Variants in ZNF346 observed in about 807,000 individuals in gnomAD.
ZNF346 encodes the protein double-stranded RNA-binding zinc finger protein JAZ.
ZNF346 carries 23 observed loss-of-function variants against 33.7 expected under a neutral mutation model. The observed-to-expected ratio is 0.68, with a 90% CI of 0.49 to 0.97. ZNF346 has a LOEUF of 0.97. Among genes scored for constraint, ZNF346 ranks in the 50% least tolerant of loss-of-function variants. The pLI, the probability that ZNF346 is intolerant of heterozygous loss-of-function variation, is 0.00. For synonymous variants in ZNF346, 134 were observed against 142.4 expected (o/e 0.94, Z 0.42); for missense variants, 340 against 371.1 (o/e 0.92, Z 0.69).
chr5:177,032,240 G>A (rs928510794), intron 1 of ZNF346, among the ~76,000 whole-genome samples: 1 of 151,838 alleles, frequency 6.6e-6, no homozygotes, highest in African/African-American at 2.4e-5. Context: ...CTGACCTCAG[G>A]TAATCCACCC....
Position 177,022,764 on chromosome 5 carries a change from T to A in ZNF346, c.26T>A (p.Val9Glu). Residue 9 changes from valine to glutamate, a missense_variant, in exon 1 of 7, where the codon GTG becomes GAG. By Grantham distance (121) the Val-to-Glu change is moderately radical. Coordinates refer to ENST00000358149, the MANE Select transcript of ZNF346 (RefSeq NM_012279.4). ...ATGGAGTATCCCGCGCCGGCCACGGTGCAGGCCGCGGACGGCGGAGCGGCC... is the reference window on the plus strand; with the variant it reads ...ATGGAGTATCCCGCGCCGGCCACGGAGCAGGCCGCGGACGGCGGAGCGGCC... MEYPAPATVQAADGGAAGP... is the reference protein window; with the variant it reads MEYPAPATEQAADGGAAGP... 1 of 1,558,716 alleles carries A rather than the reference T, an allele frequency of 6.4e-7. No homozygotes were observed. Among genetic ancestry groups the A allele is most frequent in the East Asian group, 2.4e-5 (1 of 41,000 alleles).
chr5:177,038,885 T>C (rs1778957526), intron 1 of ZNF346, among the ~76,000 whole-genome samples: 1 of 148,964 alleles, frequency 6.7e-6, no homozygotes, highest in African/African-American at 2.5e-5. Context: ...CTTGTGTGTG[T>C]GTGTGTGTGT....
intron 5 of ZNF346, among the ~76,000 whole-genome samples, chr5:177,059,717 A>G (rs554545956): frequency 1.6e-4 from 25 of 152,310 alleles, no homozygotes; most frequent in Non-Finnish European, 3.2e-4. Flanking sequence ...GCTTTTATAT[A>G]CAGGACAAGT....
intron 1 of ZNF346, among the ~76,000 whole-genome samples, chr5:177,027,008 C>T (rs147948833): frequency 1.3e-5 from 2 of 152,210 alleles, no homozygotes; most frequent in East Asian, 1.9e-4. Context: ...TTTAATATCT[C>T]TCTGGGCCCT....
At position 177,022,713 on chromosome 5, in the gene ZNF346, T is replaced by A. The variant is rs1427048180; in HGVS notation, c.-26T>A. The stretch of plus-strand genomic sequence containing the variant: ...CGATACCTAGGCGCCTGAGAGGCTC[T>A]CTACCGGTGAGGGTTTGCGGGGAAG... On this transcript the variant is annotated 5_prime_UTR_variant, in exon 1 of 7. Coordinates refer to ENST00000358149, the MANE Select transcript of ZNF346 (RefSeq NM_012279.4). 6.5e-7 allele frequency: 1 copy of A among 1,529,342 alleles called. No homozygotes were observed. Among genetic ancestry groups the A allele is most frequent in the Admixed American group, 2.1e-5 (1 of 47,596 alleles). The allele number at this position is 1,529,342 out of a possible 1,614,324, so 94.7% of individuals were successfully genotyped here.
Position 177,050,819 on chromosome 5 carries a change from G to A in ZNF346, c.586G>A (p.Asp196Asn), listed in dbSNP as rs201400452. Residue 196 changes from aspartate to asparagine, a missense_variant, in exon 5 of 7, where the codon GAC (aspartate) becomes AAC (asparagine). Coordinates refer to ENST00000358149, the MANE Select transcript of ZNF346 (RefSeq NM_012279.4). ...FCSLCHATFNDPVMAQQHYVG... is the reference protein window; with the variant it reads ...FCSLCHATFNNPVMAQQHYVG... ...CAGCCTCTGCCATGCAACTTTCAAC[G>A]ACCCTGTCATGGCTCAACAACATTA... is the stretch of plus-strand genomic sequence containing the variant. 3.7e-6 allele frequency: 6 copies of A among 1,613,978 alleles called. No individual in the cohort carries two copies. Among genetic ancestry groups the A allele is most frequent in the South Asian group, 1.1e-5 (1 of 91,066 alleles).
chr5:177,048,769 G>GTTTTTTTCTT (rs1398912953), intron 4 of ZNF346, among the ~76,000 whole-genome samples: 1 of 146,948 alleles, frequency 6.8e-6, no homozygotes, highest in Non-Finnish European at 1.5e-5. Context: ...TGTGTAACTT[G>GTTTTTTTCTT]TTTTTTTCTT....
At position 177,022,865 on chromosome 5, in the gene ZNF346, C is replaced by A; in HGVS notation, c.127C>A (p.Arg43Ser). 6.6e-7 allele frequency: 1 copy of A among 1,524,914 alleles called. No homozygotes were observed. Among genetic ancestry groups the A allele is most frequent in the Admixed American group, 2.1e-5 (1 of 47,632 alleles). The allele number at this position is 1,524,914 out of a possible 1,614,324, so 94.5% of individuals were successfully genotyped here. A position where few individuals can be genotyped will look rare whatever the true frequency, so the allele number is the denominator to read the frequency against. ...GCGCTTTGACCGCGAGAGGGCGCGC[C>A]GCCTGTGGGAAGCCGTGTCCGGTGC... ...GVRFDRERAR[R>S]LWEAVSGAQP... is the part of the protein sequence containing the mutation. Residue 43 changes from arginine to serine, a missense_variant, in exon 1 of 7, where the codon CGC becomes AGC. Coordinates refer to ENST00000358149, the MANE Select transcript of ZNF346 (RefSeq NM_012279.4).
At chr5:177,039,984 TC>T (rs1779123066) in intron 1 of ZNF346, among the ~76,000 whole-genome samples, 1 of 151,948 alleles carries the variant, frequency 6.6e-6, no homozygotes, top group Non-Finnish European at 1.5e-5. Context: ...ATCGAGACCA[TC>T]CTGGCTAACA....
intron 6 of ZNF346, among the ~76,000 whole-genome samples, chr5:177,062,492 G>T (rs1428127227): frequency 2.0e-5 from 3 of 152,254 alleles, no homozygotes; most frequent in Non-Finnish European, 4.4e-5. Context: ...TCTGGCAGGA[G>T]TTCCCTCTAT....
At chr5:177,064,164 A>T (rs1782901017) in intron 6 of ZNF346, among the ~76,000 whole-genome samples, 1 of 152,192 alleles carries the variant, frequency 6.6e-6, no homozygotes, top group Non-Finnish European at 1.5e-5. Context: ...AAATGGAATG[A>T]GTTTTTATAG....
At chr5:177,044,793 G>C (rs944190824) in intron 4 of ZNF346, among the ~76,000 whole-genome samples, 1 of 152,060 alleles carries the variant, frequency 6.6e-6, no homozygotes, top group East Asian at 1.9e-4. Flanking sequence ...TATAACTCAG[G>C]AGTGCCAAAG....
intron 8 of ZNF346, among the ~76,000 whole-genome samples, chr5:177,074,016 G>C (rs1783632150): frequency 6.6e-6 from 1 of 152,160 alleles, no homozygotes; most frequent in African/African-American, 2.4e-5. Context: ...CAGGTAGAGA[G>C]AGAAGCCAAC....
At chr5:177,035,522 G>T (rs1052408901) in intron 1 of ZNF346, among the ~76,000 whole-genome samples, 5 of 150,770 alleles carry the variant, frequency 3.3e-5, no homozygotes, top group Admixed American at 2.7e-4. Context: ...GTGCAATGGC[G>T]CAATCTTGGC....
At chr5:177,022,941 G>T in intron 1 of ZNF346, 28 bp downstream of exon 1, 1 of 1,448,570 alleles carries the variant, frequency 6.9e-7, no homozygotes, top group Non-Finnish European at 9.1e-7. Flanking sequence ...GAGGCAGAAA[G>T]CCCCTCGCCC....
chr5:177,030,359 G>A (rs13165343), intron 1 of ZNF346, among the ~76,000 whole-genome samples: 4 of 149,626 alleles, frequency 2.7e-5, no homozygotes, highest in Non-Finnish European at 5.9e-5. Flanking sequence ...GGTGGCTCAC[G>A]CCTGTAATCC....
chr5:177,071,366 T>TAAA (rs909904213), downstream of ZNF346, among the ~76,000 whole-genome samples: 2 of 129,868 alleles, frequency 1.5e-5, no homozygotes, highest in African/African-American at 2.9e-5. Flanking sequence ...GGGAGCCTCT[T>TAAA]AAAAAAAAAA....
intron 1 of ZNF346, chr5:177,023,371 C>G (rs371830781): frequency 1.3e-5 from 9 of 684,302 alleles, no homozygotes; most frequent in African/African-American, 3.6e-5. Flanking sequence ...CTCCTTACCC[C>G]CTGGGTTCCT....
Position 177,044,432 on chromosome 5 carries a change from G to A in ZNF346, c.416G>A (p.Cys139Tyr), listed in dbSNP as rs1779766282. 6.2e-7 allele frequency: 1 copy of A among 1,614,010 alleles called. No homozygotes were observed. Among genetic ancestry groups the A allele is most frequent in the Admixed American group, 1.7e-5 (1 of 60,002 alleles). Residue 139 changes from cysteine (C) to tyrosine (Y), a missense_variant, in exon 4 of 7, where the codon TGT becomes TAT. Coordinates refer to ENST00000358149, the MANE Select transcript of ZNF346 (RefSeq NM_012279.4). Reference protein sequence around the residue: ...SKDKNQCCPICNMTFSSPVVA... With the variant: ...SKDKNQCCPIYNMTFSSPVVA... Reference sequence around the variant, plus strand: ...GACAAGAACCAGTGCTGCCCCATCTGTAACATGACCTTTTCCTCCCCTGTC... The same window carrying A: ...GACAAGAACCAGTGCTGCCCCATCTATAACATGACCTTTTCCTCCCCTGTC...
Sources: allele counts gnomAD v4.1 joint callset (sites outside exome capture counted in the v4.1 genomes callset), GRCh38; gene constraint gnomAD v4.1.1; transcripts MANE v1.5; gene names NCBI Gene and HGNC (gene_info 2026-07-23, HGNC 2026-07-21).